Variants in PDE4D observed in about 807,000 individuals in gnomAD.
PDE4D encodes 3',5'-cyclic-AMP phosphodiesterase 4D.
PDE4D carries 24 observed loss-of-function variants against 87.4 expected under a neutral mutation model. The ratio of observed to expected loss-of-function variants is 0.27; its 90% CI spans 0.20 to 0.39. PDE4D has a LOEUF of 0.39. Among genes scored for constraint, PDE4D ranks in the 10% least tolerant of loss-of-function variants. The pLI is 1.00. For missense variants in PDE4D, 714 were observed against 1,041.0 expected, an observed-to-expected ratio of 0.69 and a Z score of 4.32; for synonymous variants, 384 against 383.2, an observed-to-expected ratio of 1.00 and a Z score of -0.02.
chr5:59,548,503 G>A (rs1023784580), intron 1 of PDE4D, among the ~76,000 whole-genome samples: 3 of 152,094 alleles, frequency 2.0e-5, no homozygotes, highest in African/African-American at 4.8e-5. Flanking sequence ...ATAGACAAAT[G>A]TTCTACCTTC....
intron 5 of PDE4D, among the ~76,000 whole-genome samples, chr5:59,053,281 T>G (rs2153405672): frequency 6.6e-6 from 1 of 151,806 alleles, no homozygotes; most frequent in Non-Finnish European, 1.5e-5. Flanking sequence ...AGCTTTGCAC[T>G]TAAATGACAG....
intron 1 of PDE4D, among the ~76,000 whole-genome samples, chr5:59,469,720 G>A (rs1802148558): frequency 6.6e-6 from 1 of 152,182 alleles, no homozygotes; most frequent in South Asian, 2.1e-4. Context: ...GCTAACAAAA[G>A]AAAGAGTCCC....
chr5:59,004,057 C>T (rs1398282600), intron 6 of PDE4D, among the ~76,000 whole-genome samples: 1 of 151,630 alleles, frequency 6.6e-6, no homozygotes, highest in Non-Finnish European at 1.5e-5. Flanking sequence ...AGTATTCATC[C>T]TGAAATGAAA....
chr5:59,274,102 T>C (rs1414537516), intron 1 of PDE4D, among the ~76,000 whole-genome samples: 1 of 152,138 alleles, frequency 6.6e-6, no homozygotes, highest in Non-Finnish European at 1.5e-5. Context: ...ATACAAGGAT[T>C]TTAAGGATTT....
At chr5:60,269,626 A>G (rs777918322) in intron 1 of PDE4D, among the ~76,000 whole-genome samples, 6 of 152,196 alleles carry the variant, frequency 3.9e-5, no homozygotes, top group Non-Finnish European at 7.4e-5. Context: ...AGAACTAGGG[A>G]TCTATTGTAC....
At chr5:59,353,790 A>T (rs1272133307) in intron 1 of PDE4D, among the ~76,000 whole-genome samples, 1 of 151,882 alleles carries the variant, frequency 6.6e-6, no homozygotes. Flanking sequence ...TGCCTCAATC[A>T]AACTTAATAA....
intron 2 of PDE4D, among the ~76,000 whole-genome samples, chr5:59,214,500 G>A (rs425384): frequency 2.0e-5 from 3 of 152,002 alleles, no homozygotes; most frequent in Non-Finnish European, 2.9e-5. Context: ...CTCTGTTCCT[G>A]CAGTACATGA....
At chr5:60,075,051 G>C (rs769068063) in intron 2 of PDE4D, among the ~76,000 whole-genome samples, 1 of 152,128 alleles carries the variant, frequency 6.6e-6, no homozygotes, top group Non-Finnish European at 1.5e-5. Context: ...TCATCATGTT[G>C]TTAGGTGGTT....
intron 1 of PDE4D, chr5:59,586,193 A>G: frequency 1.7e-6 from 1 of 599,296 alleles, no homozygotes; most frequent in Non-Finnish European, 2.9e-6. Context: ...CTCAGACAAT[A>G]TTCGGTTTTG....
At chr5:58,983,110 G>A (rs1745610019) in intron 11 of PDE4D, among the ~76,000 whole-genome samples, 1 of 152,170 alleles carries the variant, frequency 6.6e-6, no homozygotes, top group South Asian at 2.1e-4. Context: ...CTTGCCTAAA[G>A]TTCTTCCCAC....
At chr5:59,008,412 ATAATCTTT>A (rs140621257) in intron 6 of PDE4D, among the ~76,000 whole-genome samples, 15,175 of 152,086 alleles carry the variant, frequency 0.1, 1,021 homozygotes, top group Non-Finnish European at 0.13. Flanking sequence ...CCAGAAATAT[ATAATCTTT>A]TACACATATC....
chr5:59,776,298 C>T (rs1322649345), intron 1 of PDE4D, among the ~76,000 whole-genome samples: 1 of 152,066 alleles, frequency 6.6e-6, no homozygotes, highest in Non-Finnish European at 1.5e-5. Flanking sequence ...TATAACTTAA[C>T]TAAGGTTTAA....
chr5:59,866,603 G>A (rs1479896787), intron 1 of PDE4D, among the ~76,000 whole-genome samples: 3 of 152,186 alleles, frequency 2.0e-5, no homozygotes, highest in African/African-American at 7.2e-5. Context: ...GAACTATGAT[G>A]ATGCCACTGC....
At chr5:59,492,220 G>A (rs1806349497) in intron 1 of PDE4D, among the ~76,000 whole-genome samples, 1 of 152,006 alleles carries the variant, frequency 6.6e-6, no homozygotes, top group Non-Finnish European at 1.5e-5. Flanking sequence ...AACATGGTTT[G>A]GTTTTCTAAA....
chr5:60,234,865 T>C (rs1296909431), intron 1 of PDE4D, among the ~76,000 whole-genome samples: 1 of 151,866 alleles, frequency 6.6e-6, no homozygotes, highest in Non-Finnish European at 1.5e-5. Flanking sequence ...TATTATTTTA[T>C]TGATGCCAAA....
At chr5:60,226,400 A>G (rs1241888466) in intron 1 of PDE4D, among the ~76,000 whole-genome samples, 2 of 152,118 alleles carry the variant, frequency 1.3e-5, no homozygotes, top group South Asian at 2.1e-4. Context: ...AGCTGCTCAA[A>G]TAAATCAAAC....
At chr5:59,777,639 A>T (rs1311205325) in intron 1 of PDE4D, among the ~76,000 whole-genome samples, 1 of 152,168 alleles carries the variant, frequency 6.6e-6, no homozygotes, top group Non-Finnish European at 1.5e-5. Context: ...TTGGCCTTAG[A>T]TTATGTAGGT....
intron 1 of PDE4D, among the ~76,000 whole-genome samples, chr5:60,189,105 A>AC (rs1338987944): frequency 1.3e-5 from 2 of 152,234 alleles, no homozygotes; most frequent in African/African-American, 2.4e-5. Context: ...GAACACTCAC[A>AC]CGTGCAATTT....
At chr5:60,210,891 T>C (rs1484990281) in intron 1 of PDE4D, among the ~76,000 whole-genome samples, 1 of 152,200 alleles carries the variant, frequency 6.6e-6, no homozygotes, top group Non-Finnish European at 1.5e-5. Context: ...ACAGCTGCGT[T>C]TCCATCCTAA....
Sources: gnomAD v4.1 joint callset for allele counts (sites outside exome capture counted in the v4.1 genomes callset) on GRCh38, gnomAD v4.1.1 for gene constraint, MANE v1.5 for transcripts, NCBI Gene and HGNC (gene_info 2026-07-23, HGNC 2026-07-21) for gene names.